Variants in PRKD2 observed in about 807,000 individuals in gnomAD.
PRKD2 encodes serine/threonine-protein kinase D2.
A neutral mutation model predicts 86.0 loss-of-function variants in PRKD2; 22 were observed. The ratio of observed to expected loss-of-function variants is 0.26; its 90% CI spans 0.18 to 0.37. PRKD2 has a LOEUF of 0.37. PRKD2 is among the 10% of genes least tolerant of loss of function. The pLI, the probability that PRKD2 is intolerant of heterozygous loss-of-function variation, is 1.00. For missense variants in PRKD2, 818 were observed against 1,199.2 expected, an observed-to-expected ratio of 0.68 and a Z score of 4.70; for synonymous variants, 509 against 510.9, an observed-to-expected ratio of 1.00 and a Z score of 0.05.
chr19:46,698,611 A>C (rs1159592916), intron 7 of PRKD2, among the ~76,000 whole-genome samples: 1 of 152,010 alleles, frequency 6.6e-6, no homozygotes, highest in Non-Finnish European at 1.5e-5. Flanking sequence ...TCTGGGCCTC[A>C]CCTCCCTCAT....
Position 46,690,681 on chromosome 19 carries a change from G to T in PRKD2, c.1728C>A (p.Asp576Glu), listed in dbSNP as rs56144729. 2 of 1,614,106 alleles carry T rather than the reference G, an allele frequency of 1.2e-6. No individual in the cohort carries two copies. The highest frequency in any genetic ancestry group is 1.7e-6 in the Non-Finnish European group (2 of 1,180,010). The change falls in exon 13 of 18, where the codon GAC becomes GAA. Residue 576 changes from aspartate (D) to glutamate (E), a missense_variant. Around this residue, in one of 5 missense-constraint regions of PRKD2, gnomAD observed 154 missense variants for 359.6 expected, o/e 0.43. Coordinates refer to ENST00000291281, the MANE Select transcript of PRKD2 (RefSeq NM_016457.5). Reference sequence around the variant, plus strand: ...GTTTGTCAATGACCTTAACTGCCACGTCCCGGCCTGTCTTCCGGTGTTTTC... The same window carrying T: ...GTTTGTCAATGACCTTAACTGCCACTTCCCGGCCTGTCTTCCGGTGTTTTC... ...YGGKHRKTGR[D>E]VAVKVIDKLR...
intron 14 of PRKD2, among the ~76,000 whole-genome samples, chr19:46,686,470 T>C (rs1264673104): frequency 8.5e-6 from 1 of 117,042 alleles, no homozygotes; most frequent in Non-Finnish European, 1.7e-5. Flanking sequence ...ACCTTGTCTC[T>C]ACAAAAACAT....
intron 8 of PRKD2, 63 bp from the exon 9 acceptor site, chr19:46,697,297 G>C (rs1250444698): frequency 7.8e-7 from 1 of 1,288,480 alleles, no homozygotes; most frequent in East Asian, 2.3e-5. Context: ...CCTATCCCGT[G>C]GAGCTGCTTG....
chr19:46,696,258 C>A (rs2053555977), intron 9 of PRKD2, among the ~76,000 whole-genome samples: 1 of 152,050 alleles, frequency 6.6e-6, no homozygotes, highest in African/African-American at 2.4e-5. Context: ...GGTTTTATTA[C>A]TCTAAGACAA....
rs181515312 is a variant in PRKD2, at chr19:46,691,445, A to G, written c.1702+290T>C. Among the ~76,000 whole-genome samples the G allele has an allele frequency of 2.0e-5, 3 of 152,336 alleles. No individual in the cohort carries two copies. In the East Asian group the frequency reaches 5.8e-4, roughly 29 times the overall value. On this transcript the variant is annotated intron_variant, in intron 12 of 17. Transcript: ENST00000291281. ...CTAGGTTCTAGCTCTGTGGTCAATC[A>G]GAGTGCAGAATCTACCTTCCCTATC...
chr19:46,693,865 G>A lies in PRKD2; in HGVS notation c.1576+10C>T. On this transcript the variant is annotated intron_variant, in intron 10 of 17. Transcript: ENST00000291281. This position sits in a 1 kb window ranked among gnomAD's most constrained non-coding sequence, Gnocchi z 4.5. ...CTATTCTCTCAAGGACCCGAGGTGG[G>A]AGGACTTACTGTGGGGCGCGTGGCC... 1 of 1,586,566 alleles carries A rather than the reference G, an allele frequency of 6.3e-7. No individual in the cohort carries two copies. Among genetic ancestry groups the A allele is most frequent in the Non-Finnish European group, 8.6e-7 (1 of 1,166,972 alleles).
At chr19:46,696,144 C>T (rs545366500) in intron 9 of PRKD2, among the ~76,000 whole-genome samples, 3 of 152,094 alleles carry the variant, frequency 2.0e-5, no homozygotes, top group Non-Finnish European at 4.4e-5. Context: ...TGGCCAAGGA[C>T]AGCATTTTAG....
intron 5 of PRKD2, among the ~76,000 whole-genome samples, chr19:46,702,476 G>A (rs2053650724): frequency 2.6e-5 from 4 of 152,058 alleles, no homozygotes; most frequent in Admixed American, 1.3e-4. Context: ...AAATTTGACA[G>A]TTCTAGGGTT....
rs1034147776 is a variant in PRKD2, at chr19:46,674,697, C to T, written c.2463G>A (p.Gly821=). Reference sequence around the variant, plus strand: ...GCGTGATGTATCGCTCTCCCATCTTCCCCTCCAGCTCTCGGAGGTCCAGCC... The same window carrying T: ...GCGTGATGTATCGCTCTCCCATCTTTCCCTCCAGCTCTCGGAGGTCCAGCC... ...QTWLDLRELE[G]KMGERYITHE... The change falls in exon 18 of 18, where the codon GGG becomes GGA. Residue 821 remains glycine, a synonymous_variant. Transcript: ENST00000291281. 5 of 1,606,120 alleles carry T rather than the reference C, an allele frequency of 3.1e-6. No homozygotes were observed. Among genetic ancestry groups the T allele is most frequent in the Non-Finnish European group, 3.4e-6 (4 of 1,179,968 alleles).
At chr19:46,699,824 T>C (rs571512349) in intron 7 of PRKD2, among the ~76,000 whole-genome samples, 1 of 150,270 alleles carries the variant, frequency 6.7e-6, no homozygotes, top group Non-Finnish European at 1.5e-5. Context: ...GGCACACACC[T>C]GTAATCCCAG....
chr19:46,684,159 G>A (rs1174884066), intron 14 of PRKD2, among the ~76,000 whole-genome samples: 1 of 151,950 alleles, frequency 6.6e-6, no homozygotes, highest in African/African-American at 2.4e-5. Flanking sequence ...ATGGCATCTC[G>A]CTATGTTGCC....
At position 46,681,713 on chromosome 19, in the gene PRKD2, G is replaced by A. The variant is rs1215876237; in HGVS notation, c.2007C>T (p.Asn669=). Residue 669 remains asparagine (N), a synonymous_variant, in exon 15 of 18, where the codon AAC becomes AAT. Coordinates refer to ENST00000291281, the MANE Select transcript of PRKD2 (RefSeq NM_016457.5). ...CTGGTTTCAAGTCACAGTGGACAAT[G>A]TTCTTGAAGTGAAGGTGTCTCAAAG... ...LVALRHLHFK[N]IVHCDLKPEN... The A allele has an allele frequency of 3.1e-6, 5 of 1,611,352 alleles. No individual in the cohort carries two copies. Among genetic ancestry groups the A allele is most frequent in the Non-Finnish European group, 4.2e-6 (5 of 1,178,322 alleles).
rs77926850 is a variant in PRKD2, at chr19:46,697,920, G to T, written c.1122-70C>A. ...ACCATGCTGCTTGGGAATGCAGGGGGCATCTCTGGGAAACTAGGGAGTTGG... is the reference window on the plus strand; with the variant it reads ...ACCATGCTGCTTGGGAATGCAGGGGTCATCTCTGGGAAACTAGGGAGTTGG... On this transcript the variant is annotated intron_variant, in intron 7 of 17. Transcript: ENST00000291281. 497 of 1,236,324 alleles carry T rather than the reference G, an allele frequency of 4.0e-4. 4 individuals carry two copies. In the African/African-American group the frequency reaches 6.1e-3, roughly 15 times the overall value. 76.6% of individuals were successfully genotyped at this position (1,236,324 alleles called of 1,614,324 possible).
rs750665196 is a variant in PRKD2 at position 46,690,652 on chromosome 19, C to T, written c.1757G>A (p.Arg586His). The change falls in exon 13 of 18, where the codon CGC becomes CAC. Residue 586 changes from arginine (R) to histidine (H), a missense_variant. Arg to His is a conservative substitution (Grantham distance 29). Transcript: ENST00000291281. ...CTGGCTCTCCTGCTTGGTAGGGAAG[C>T]GCAGTTTGTCAATGACCTTAACTGC... ...DVAVKVIDKL[R>H]FPTKQESQLR... 6.2e-7 allele frequency: 1 copy of T among 1,614,182 alleles called. No homozygotes were observed. Among genetic ancestry groups the T allele is most frequent in the South Asian group, 1.1e-5 (1 of 91,084 alleles).
chr19:46,715,877 T>C (rs1423811574), intron 1 of PRKD2, among the ~76,000 whole-genome samples: 1 of 152,188 alleles, frequency 6.6e-6, no homozygotes, highest in African/African-American at 2.4e-5. Context: ...CCTCCCTGTT[T>C]GCTGCAGAAA....
chr19:46,691,850 T>C (rs775572443), intron 11 of PRKD2, 43 bp from the exon 12 acceptor site: 3 of 1,611,612 alleles, frequency 1.9e-6, no homozygotes. Context: ...CAAATGGAAA[T>C]GGGGAAGGGG....
intron 14 of PRKD2, chr19:46,685,598 C>A (rs1207796322): frequency 6.6e-6 from 1 of 152,332 alleles, no homozygotes; most frequent in African/African-American, 2.4e-5. Context: ...GAAAGAGAAA[C>A]CCCCTCAGCT....
chr19:46,702,045 T>TG (rs201618634), intron 5 of PRKD2, among the ~76,000 whole-genome samples: 2 of 150,330 alleles, frequency 1.3e-5, no homozygotes, highest in African/African-American at 4.9e-5. Context: ...TTTGTTTTTT[T>TG]TTTTTTTTTT....
intron 14 of PRKD2, among the ~76,000 whole-genome samples, chr19:46,684,605 G>A (rs979750582): frequency 6.6e-6 from 1 of 152,142 alleles, no homozygotes; most frequent in Admixed American, 6.6e-5. Context: ...TGACAGGCGT[G>A]AGCCACCTCG....
Sources: gnomAD v4.1 joint callset for allele counts (sites outside exome capture counted in the v4.1 genomes callset) on GRCh38, gnomAD v4.1.1 for gene constraint, gnomAD v4.1.1 regional missense constraint, Gnocchi (gnomAD v3.1) non-coding constraint, MANE v1.5 for transcripts, NCBI Gene and HGNC (gene_info 2026-07-23, HGNC 2026-07-21) for gene names.